Variants in PPOX observed in about 807,000 individuals in gnomAD.
The protein encoded by PPOX is protoporphyrinogen oxidase.
PPOX carries 23 observed loss-of-function variants against 54.1 expected under a neutral mutation model. That is an observed-to-expected ratio of 0.43 (90% CI 0.31 to 0.60). The LOEUF is 0.60. Among genes scored for constraint, PPOX ranks in the 20% least tolerant of loss-of-function variants. The pLI, the probability that PPOX is intolerant of heterozygous loss-of-function variation, is 0.13. For missense variants in PPOX, 512 were observed against 601.1 expected, an observed-to-expected ratio of 0.85 and a Z score of 1.55; for synonymous variants, 224 against 236.1, an observed-to-expected ratio of 0.95 and a Z score of 0.47.
Position 161,166,852 on chromosome 1 carries a change from G to C in PPOX, c.5G>C (p.Gly2Ala), listed in dbSNP as rs758620208. The C allele has an allele frequency of 6.2e-7, 1 of 1,613,406 alleles. No homozygotes were observed. Among genetic ancestry groups the C allele is most frequent in the African/African-American group, 1.3e-5 (1 of 75,052 alleles). ...CCCTTTCCCCCAGGTTTCCGCATGGGCCGGACCGTGGTCGTGCTGGGCGGA... is the reference window on the plus strand; with the variant it reads ...CCCTTTCCCCCAGGTTTCCGCATGGCCCGGACCGTGGTCGTGCTGGGCGGA... Reference protein sequence around the residue: MGRTVVVLGGGI... With the variant: MARTVVVLGGGI... Residue 2 changes from glycine to alanine, a missense_variant, in exon 2 of 13, where the codon GGC becomes GCC. Physicochemically the swap from Gly to Ala is moderately conservative, Grantham distance 60. Coordinates refer to ENST00000367999, the MANE Select transcript of PPOX (RefSeq NM_001122764.3).
chr1:161,168,434 G>C lies in PPOX; in HGVS notation c.474G>C (p.Val158=), dbSNP rs1182847305. Residue 158 remains valine, a splice_region_variant and synonymous_variant, in exon 6 of 13, where the codon GTG becomes GTC. Coordinates refer to ENST00000367999, the MANE Select transcript of PPOX (RefSeq NM_001122764.3). The part of the protein sequence containing the change: ...SFAQRRLGPE[V]ASLAMDSLCR... ...TTAGTCCTAGTCTCACCCTTAAGGT[G>C]GCGTCTCTAGCCATGGACAGTCTCT... is the stretch of plus-strand genomic sequence containing the variant. The C allele has an allele frequency of 6.2e-7, 1 of 1,614,110 alleles. No individual in the cohort carries two copies. The highest frequency in any genetic ancestry group is 8.5e-7 in the Non-Finnish European group (1 of 1,180,020).
At chr1:161,176,118 C>T (rs1173074078), downstream of PPOX, 21 of 1,600,212 alleles carry the variant, frequency 1.3e-5, no homozygotes, top group Non-Finnish European at 1.8e-5. Flanking sequence ...AGGAAGAGAG[C>T]AAGCCAGCAG....
rs1342512554 is a variant in PPOX, at chr1:161,170,914, T to C, written c.1256T>C (p.Ile419Thr). 6.2e-7 allele frequency: 1 copy of C among 1,614,088 alleles called. No homozygotes were observed. The highest frequency in any genetic ancestry group is 1.1e-5 in the South Asian group (1 of 91,088). The change falls in exon 12 of 13, where the codon ATT becomes ACT. Residue 419 changes from isoleucine (I) to threonine (T), a missense_variant. By Grantham distance (89) the Ile-to-Thr change is moderately conservative. Coordinates refer to ENST00000367999, the MANE Select transcript of PPOX (RefSeq NM_001122764.3). ...HCLVHLHKNC[I>T]PQYTLGHWQK... is the part of the protein sequence containing the mutation. ...CCTCTCCTCTCTTCTCAGAACTGCA[T>C]TCCCCAGTATACACTAGGTCACTGG...
chr1:161,166,761 A>G, intron 1 of PPOX, 79 bp from the exon 2 acceptor site: 1 of 1,590,160 alleles, frequency 6.3e-7, no homozygotes. Context: ...AGTGGCCGGG[A>G]TAGAACTCAA....
At position 161,171,067 on chromosome 1, in the gene PPOX, T is replaced by G. The variant is rs771784041; in HGVS notation, c.1325T>G (p.Leu442Trp). Reference sequence around the variant, plus strand: ...AGGCAATTCCTGACTGCTCACAGGTTGCCCCTGACTCTGGCTGGAGCCTCC... The same window carrying G: ...AGGCAATTCCTGACTGCTCACAGGTGGCCCCTGACTCTGGCTGGAGCCTCC... ...SARQFLTAHR[L>W]PLTLAGASYE... Residue 442 changes from leucine to tryptophan, a missense_variant, in exon 13 of 13, where the codon TTG becomes TGG. Coordinates refer to ENST00000367999, the MANE Select transcript of PPOX (RefSeq NM_001122764.3). 5 of 1,614,084 alleles carry G rather than the reference T, an allele frequency of 3.1e-6. No individual in the cohort carries two copies. In the Admixed American group the frequency reaches 8.3e-5, roughly 27 times the overall value.
chr1:161,176,591 G>A (rs1277331764), intron 4 of PPOX: 1 of 524,836 alleles, frequency 1.9e-6, no homozygotes, highest in African/African-American at 1.9e-5. Context: ...TGGAACAGAA[G>A]TGGTAAAGGA....
At chr1:161,166,350 T>G (rs558749402), upstream of PPOX, 7 of 1,043,938 alleles carry the variant, frequency 6.7e-6, no homozygotes, top group Non-Finnish European at 8.1e-6. Flanking sequence ...TTGGTGAACG[T>G]GATCCGGGGC....
At chr1:161,172,564 G>A (rs998519832), downstream of PPOX, among the ~76,000 whole-genome samples, 1 of 152,162 alleles carries the variant, frequency 6.6e-6, no homozygotes, top group Non-Finnish European at 1.5e-5. Context: ...TAAACAGTTG[G>A]CAACCTATTC....
downstream of PPOX, chr1:161,175,768 C>G (rs1460504940): frequency 6.2e-7 from 1 of 1,605,394 alleles, no homozygotes; most frequent in Non-Finnish European, 8.5e-7. Flanking sequence ...GTCTCCGCAC[C>G]TTGTCCTTCC....
At position 161,166,535 on chromosome 1, in the gene PPOX, C is replaced by T; in HGVS notation, c.-146C>T. 7.3e-7 allele frequency: 1 copy of T among 1,369,306 alleles called. No homozygotes were observed. The highest frequency in any genetic ancestry group is 9.5e-7 in the Non-Finnish European group (1 of 1,057,816). 84.8% of individuals were successfully genotyped at this position (1,369,306 alleles called of 1,614,324 possible). A position where few individuals can be genotyped will look rare whatever the true frequency, so the allele number is the denominator to read the frequency against. ...CAGAGCACCTCAGAACTCAGGCGTA[C>T]TGCCCGCCGCCCGAGCCCTGCGAGG... On this transcript the variant is annotated 5_prime_UTR_variant, in exon 1 of 13. Coordinates refer to ENST00000367999, the MANE Select transcript of PPOX (RefSeq NM_001122764.3).
At chr1:161,171,551 G>T, downstream of PPOX, 1 of 591,792 alleles carries the variant, frequency 1.7e-6, no homozygotes, top group Non-Finnish European at 3.0e-6. Context: ...TACTCTAGGG[G>T]CAGGGACTCC....
intron 4 of PPOX, chr1:161,176,234 A>G (rs1663464510): frequency 2.5e-6 from 2 of 806,246 alleles, no homozygotes; most frequent in South Asian, 1.8e-5. Context: ...GCAAGGAAAC[A>G]GAATGTAACC....
Position 161,167,424 on chromosome 1 carries a change from A to G in PPOX, c.276A>G (p.Pro92=), listed in dbSNP as rs765401778. 6.2e-7 allele frequency: 1 copy of G among 1,613,738 alleles called. No homozygotes were observed. The highest frequency in any genetic ancestry group is 1.7e-5 in the Admixed American group (1 of 60,006). ...SEVLPVRGDH[P]AAQNRFLYVG... ...TGCTGCCTGTCCGGGGAGACCACCC[A>G]GCTGCCCAGAACAGGTTCCTCTACG... is the stretch of plus-strand genomic sequence containing the variant. Residue 92 remains proline, a synonymous_variant, in exon 4 of 13, where the codon CCA becomes CCG. Coordinates refer to ENST00000367999, the MANE Select transcript of PPOX (RefSeq NM_001122764.3).
downstream of PPOX, chr1:161,176,047 A>T: frequency 6.2e-7 from 1 of 1,614,124 alleles, no homozygotes; most frequent in Middle Eastern, 1.7e-4. Flanking sequence ...CCGCTCCAGC[A>T]GCCTCCGCAA....
At chr1:161,172,233 G>C, downstream of PPOX, 2 of 1,613,988 alleles carry the variant, frequency 1.2e-6, no homozygotes, top group Non-Finnish European at 1.7e-6. Flanking sequence ...CTACCTGTGG[G>C]GATTTTCCTC....
chr1:161,169,334 C>T (rs1660283774), intron 7 of PPOX, 151 bp downstream of exon 7: 1 of 935,064 alleles, frequency 1.1e-6, no homozygotes. Flanking sequence ...AATCCTAGGC[C>T]CTATTTGTGA....
intron 7 of PPOX, 127 bp downstream of exon 7, chr1:161,169,310 A>C: frequency 8.8e-7 from 1 of 1,134,696 alleles, no homozygotes; most frequent in Admixed American, 2.0e-5. Flanking sequence ...CTACTTAGAC[A>C]TGGGCTACCC....
downstream of PPOX, chr1:161,171,589 T>C (rs1661445599): frequency 1.9e-5 from 12 of 630,150 alleles, no homozygotes; most frequent in Non-Finnish European, 3.0e-5. Flanking sequence ...AATCATGACA[T>C]CAAGGATTCA....
At chr1:161,168,293 C>T in intron 5 of PPOX, 139 bp from the exon 6 acceptor site, 2 of 1,546,904 alleles carry the variant, frequency 1.3e-6, no homozygotes, top group East Asian at 2.2e-5. Flanking sequence ...GGAGTGAAGG[C>T]CTTCATTTCC....
Sources: gnomAD v4.1 joint callset for allele counts (sites outside exome capture counted in the v4.1 genomes callset) on GRCh38, gnomAD v4.1.1 for gene constraint, MANE v1.5 for transcripts, NCBI Gene and HGNC (gene_info 2026-07-23, HGNC 2026-07-21) for gene names.